The following SLC4A4 variants were observed in gnomAD, a reference collection of about 807,000 sequenced individuals.
The protein encoded by SLC4A4 is solute carrier family 4 member 4.
A neutral mutation model predicts 111.5 loss-of-function variants in SLC4A4; 27 were observed. That is an observed-to-expected ratio of 0.24 (90% CI 0.18 to 0.33). SLC4A4 has a LOEUF of 0.33. Ranked by LOEUF, SLC4A4 falls within the 10% of genes least tolerant of loss-of-function variation. The pLI, the probability that SLC4A4 is intolerant of heterozygous loss-of-function variation, is 1.00. For synonymous variants in SLC4A4, 443 were observed against 463.4 expected, an observed-to-expected ratio of 0.96 and a Z score of 0.57; for missense variants, 909 against 1,315.5, an observed-to-expected ratio of 0.69 and a Z score of 4.78.
intron 3 of SLC4A4, among the ~76,000 whole-genome samples, chr4:71,265,490 T>A (rs1202008643): frequency 1.3e-5 from 2 of 152,102 alleles, no homozygotes; most frequent in Non-Finnish European, 2.9e-5. Flanking sequence ...GATGATTTAT[T>A]CTGAGAAAGA....
At chr4:71,106,896 A>C (rs1469901277) in intron 2 of SLC4A4, among the ~76,000 whole-genome samples, 1 of 150,300 alleles carries the variant, frequency 6.7e-6, no homozygotes, top group African/African-American at 2.5e-5. Context: ...CACAGTGTGC[A>C]CATGTACCCT....
intron 3 of SLC4A4, among the ~76,000 whole-genome samples, chr4:71,270,699 A>G (rs958497593): frequency 6.6e-6 from 1 of 152,180 alleles, no homozygotes; most frequent in Non-Finnish European, 1.5e-5. Context: ...TGGATGTACC[A>G]GTTATGTGAT....
At chr4:71,350,881 G>A (rs141259693) in intron 5 of SLC4A4, among the ~76,000 whole-genome samples, 363 of 152,260 alleles carry the variant, frequency 2.4e-3, no homozygotes, top group Non-Finnish European at 3.6e-3. Context: ...GAAAAGTGCA[G>A]CCATCCCTAC....
chr4:71,451,921 G>C (rs927894760), intron 11 of SLC4A4, among the ~76,000 whole-genome samples: 2 of 152,182 alleles, frequency 1.3e-5, no homozygotes, highest in African/African-American at 4.8e-5. Flanking sequence ...AGTTCTCACT[G>C]TTCTGCCTCC....
At chr4:71,308,483 T>A (rs1725867970) in intron 3 of SLC4A4, among the ~76,000 whole-genome samples, 1 of 151,546 alleles carries the variant, frequency 6.6e-6, no homozygotes, top group South Asian at 2.1e-4. Flanking sequence ...GCGAGACCAA[T>A]GCAGAAGGCG....
intron 20 of SLC4A4, among the ~76,000 whole-genome samples, chr4:71,551,945 A>G (rs941723356): frequency 6.6e-6 from 1 of 151,898 alleles, no homozygotes; most frequent in African/African-American, 2.4e-5. Context: ...TGAAAGGGCA[A>G]TATAGTAGAA....
intron 2 of SLC4A4, among the ~76,000 whole-genome samples, chr4:71,166,586 C>G (rs1174540753): frequency 6.6e-6 from 1 of 152,220 alleles, no homozygotes; most frequent in African/African-American, 2.4e-5. Context: ...TTAGAGGTAT[C>G]TGCAGGAAAA....
chr4:71,546,282 T>G, intron 18 of SLC4A4, 68 bp from the exon 19 acceptor site: 1 of 1,366,634 alleles, frequency 7.3e-7, no homozygotes. Context: ...TTAATTCCCC[T>G]CTGGAAATAT....
At chr4:71,266,037 C>G (rs191918043) in intron 3 of SLC4A4, among the ~76,000 whole-genome samples, 1 of 152,228 alleles carries the variant, frequency 6.6e-6, no homozygotes, top group East Asian at 1.9e-4. Flanking sequence ...GACCTCAAGT[C>G]TTTGTTCAGC....
intron 16 of SLC4A4, among the ~76,000 whole-genome samples, chr4:71,525,950 A>G (rs1210498633): frequency 2.0e-5 from 3 of 152,036 alleles, no homozygotes; most frequent in Non-Finnish European, 4.4e-5. Context: ...AAGGGCCCAA[A>G]GAGAGCAGTT....
chr4:71,183,070 T>C (rs1470853716), upstream of SLC4A4, among the ~76,000 whole-genome samples: 1 of 152,206 alleles, frequency 6.6e-6, no homozygotes, highest in Non-Finnish European at 1.5e-5. Flanking sequence ...TATTGTTCAA[T>C]TTTATTAGAG....
intron 2 of SLC4A4, among the ~76,000 whole-genome samples, chr4:71,093,227 G>A (rs749902898): frequency 6.6e-6 from 1 of 151,406 alleles, no homozygotes; most frequent in South Asian, 2.1e-4. Context: ...GAGTGCACTG[G>A]CGTCATCTTG....
intron 3 of SLC4A4, among the ~76,000 whole-genome samples, chr4:71,266,841 C>T (rs1722301133): frequency 6.6e-6 from 1 of 152,190 alleles, no homozygotes; most frequent in Non-Finnish European, 1.5e-5. Context: ...TCACTTTAAT[C>T]CAATCTAAGA....
At chr4:71,543,562 T>C (rs2149229493) in intron 18 of SLC4A4, among the ~76,000 whole-genome samples, 1 of 152,250 alleles carries the variant, frequency 6.6e-6, no homozygotes. Context: ...TGGGCCTTTT[T>C]GCTAGTCTTG....
intron 1 of SLC4A4, among the ~76,000 whole-genome samples, chr4:71,222,796 C>T (rs1251188166): frequency 2.0e-5 from 3 of 152,164 alleles, no homozygotes; most frequent in African/African-American, 7.2e-5. Context: ...CTTAGTAGTG[C>T]AGCCCACGTG....
intron 7 of SLC4A4, among the ~76,000 whole-genome samples, chr4:71,411,375 T>C (rs940237968): frequency 1.3e-5 from 2 of 151,956 alleles, no homozygotes; most frequent in Non-Finnish European, 2.9e-5. Context: ...CCCCCCCTCT[T>C]GCCCCCAGTC....
At chr4:71,529,212 G>C (rs540439288) in intron 16 of SLC4A4, among the ~76,000 whole-genome samples, 1 of 152,176 alleles carries the variant, frequency 6.6e-6, no homozygotes, top group South Asian at 2.1e-4. Context: ...CTGGGATTTT[G>C]AGGGGGTGTT....
chr4:71,350,067 TG>T lies in SLC4A4; in HGVS notation c.547del (p.Val183TrpfsTer3). ...CGGGAGGCTTCTTCTCTCCCACAGTTGGTGGGTAAGTATGCTGTTTGAATTT... is the reference window on the plus strand; with the variant it reads ...CGGGAGGCTTCTTCTCTCCCACAGTTGTGGGTAAGTATGCTGTTTGAATTT... ...LDREASSLPQ[L>X]VEMIVDHQIE... is the part of the protein sequence containing the mutation. On this transcript the variant is annotated frameshift_variant, in exon 5 of 26. Transcript: ENST00000264485. LOFTEE classifies it high-confidence loss of function. 1 of 1,614,054 alleles carries T rather than the reference TG, an allele frequency of 6.2e-7. No homozygotes were observed.
intron 2 of SLC4A4, among the ~76,000 whole-genome samples, chr4:71,156,249 T>C (rs1744459120): frequency 6.6e-6 from 1 of 152,120 alleles, no homozygotes; most frequent in Non-Finnish European, 1.5e-5. Flanking sequence ...GCTAGAAGTT[T>C]TGGTGAACCT....
Sources: gnomAD v4.1 joint callset for allele counts (sites outside exome capture counted in the v4.1 genomes callset) on GRCh38, gnomAD v4.1.1 for gene constraint, MANE v1.5 for transcripts, NCBI Gene and HGNC (gene_info 2026-07-23, HGNC 2026-07-21) for gene names.